Variants in TTLL11 observed in about 807,000 individuals in gnomAD.
TTLL11 encodes tubulin tyrosine ligase like 11.
Under a neutral mutation model 51.7 loss-of-function variants are expected in TTLL11, and 42 were observed. The ratio of observed to expected loss-of-function variants is 0.81; its 90% CI spans 0.64 to 1.05. The LOEUF (loss-of-function observed/expected upper bound fraction) is 1.05. Among genes scored for constraint, TTLL11 ranks in the 50% least tolerant of loss-of-function variants. TTLL11 has a pLI of 0.00. For missense variants in TTLL11, 799 were observed against 940.4 expected (o/e 0.85, Z 1.97); for synonymous variants, 381 against 383.5 (o/e 0.99, Z 0.08).
intron 3 of TTLL11, among the ~76,000 whole-genome samples, chr9:122,010,956 CT>C (rs1843775786): frequency 6.6e-6 from 1 of 152,174 alleles, no homozygotes; most frequent in South Asian, 2.1e-4. Context: ...CTCTCTAAGC[CT>C]TTGATATGGT....
At position 121,853,781 on chromosome 9, in the gene TTLL11, T is replaced by C. The variant is rs890733484; in HGVS notation, c.1840+6556A>G. Reference sequence around the variant, plus strand: ...GGGATGAGGAGGGCCTGGCACTCTGTCAGCCACCAAGGGAGAGTCTGTTGC... The same window carrying C: ...GGGATGAGGAGGGCCTGGCACTCTGCCAGCCACCAAGGGAGAGTCTGTTGC... On this transcript the variant is annotated intron_variant, in intron 8 of 8. Transcript: ENST00000321582. The surrounding 1 kb of genome is among the most constrained non-coding windows in gnomAD (Gnocchi z 5.6). Among the ~76,000 whole-genome samples, 2 of 152,198 alleles carry C rather than the reference T, an allele frequency of 1.3e-5. No homozygotes were observed. The highest frequency in any genetic ancestry group is 1.9e-4 in the East Asian group (1 of 5,194).
Position 122,093,189 on chromosome 9 carries a change from G to A in TTLL11, c.-41C>T, listed in dbSNP as rs1467969864. 6.7e-7 allele frequency: 1 copy of A among 1,485,806 alleles called. No individual in the cohort carries two copies. Among genetic ancestry groups the A allele is most frequent in the South Asian group, 1.3e-5 (1 of 78,880 alleles). The allele number at this position is 1,485,806 out of a possible 1,614,324, so 92.0% of individuals were successfully genotyped here. A position where few individuals can be genotyped will look rare whatever the true frequency, so the allele number is the denominator to read the frequency against. ...GGCCAGTGCCAGTGCCACCGCCGCCGCCGCCGCCGCTCCGCCGCCCCAGTC... is the reference window on the plus strand; with the variant it reads ...GGCCAGTGCCAGTGCCACCGCCGCCACCGCCGCCGCTCCGCCGCCCCAGTC... On this transcript the variant is annotated 5_prime_UTR_variant, in exon 1 of 9. Transcript: ENST00000321582.
chr9:121,826,296 G>GTATATATATATATGGGTT (rs1426732027), intron 8 of TTLL11, among the ~76,000 whole-genome samples: 6 of 90,244 alleles, frequency 6.6e-5, no homozygotes, highest in Admixed American at 1.1e-4. Context: ...GTGTGTGGGT[G>GTATATATATATATGGGTT]TATATATATA....
At chr9:121,841,954 C>T (rs1837364235) in intron 8 of TTLL11, among the ~76,000 whole-genome samples, 1 of 152,108 alleles carries the variant, frequency 6.6e-6, no homozygotes, top group Non-Finnish European at 1.5e-5. Context: ...GGATGCCTGA[C>T]CACTGGAAGT....
intron 6 of TTLL11, among the ~76,000 whole-genome samples, chr9:121,916,423 G>T (rs965005778): frequency 6.6e-6 from 1 of 152,012 alleles, no homozygotes; most frequent in African/African-American, 2.4e-5. Flanking sequence ...ATAAGCTGAG[G>T]GAAGATTTGC....
chr9:121,926,679 G>C (rs533301551), intron 6 of TTLL11, among the ~76,000 whole-genome samples: 42 of 152,332 alleles, frequency 2.8e-4, no homozygotes, highest in African/African-American at 9.6e-4. Flanking sequence ...TCTCTCCCGT[G>C]TCACTTTGAG....
intron 6 of TTLL11, among the ~76,000 whole-genome samples, chr9:121,966,498 T>C (rs939276399): frequency 2.0e-5 from 3 of 152,278 alleles, no homozygotes; most frequent in Admixed American, 6.5e-5. Context: ...AATTAATCAA[T>C]TGATGGAACA....
At position 121,939,040 on chromosome 9, in the gene TTLL11, C is replaced by T. The variant is rs564959347; in HGVS notation, c.1481+34969G>A. Among the ~76,000 whole-genome samples the T allele has an allele frequency of 6.6e-5, 10 of 152,178 alleles. No homozygotes were observed. In the East Asian group the frequency reaches 1.2e-3, roughly 18 times the overall value. On this transcript the variant is annotated intron_variant, in intron 6 of 8. Coordinates refer to ENST00000321582, the MANE Select transcript of TTLL11 (RefSeq NM_001139442.2). ...GCCTATTTCCACTCTAGGTGTTGAC[C>T]GCAGAGGAACTCACACATGTGAATG...
chr9:122,044,983 G>A (rs1454239229), intron 1 of TTLL11, among the ~76,000 whole-genome samples: 1 of 151,994 alleles, frequency 6.6e-6, no homozygotes, highest in Non-Finnish European at 1.5e-5. Context: ...TGGCATGCCT[G>A]TAGTCCCAAC....
At chr9:121,952,528 C>G (rs2131605112) in intron 6 of TTLL11, among the ~76,000 whole-genome samples, 1 of 151,758 alleles carries the variant, frequency 6.6e-6, no homozygotes, top group East Asian at 1.9e-4. Flanking sequence ...AGCTAGTTAC[C>G]CAGCTTCTGT....
intron 1 of TTLL11, among the ~76,000 whole-genome samples, chr9:122,062,451 T>C (rs987018359): frequency 7.9e-5 from 12 of 150,966 alleles, no homozygotes; most frequent in African/African-American, 2.9e-4. Context: ...GTGCAAGATC[T>C]TTATATTATG....
intron 3 of TTLL11, among the ~76,000 whole-genome samples, chr9:121,994,621 A>G (rs566221097): frequency 6.6e-6 from 1 of 152,322 alleles, no homozygotes; most frequent in Admixed American, 6.5e-5. Flanking sequence ...TGAGAGATGT[A>G]TGAGAAGGGG....
At chr9:121,924,202 C>T (rs1366156988) in intron 6 of TTLL11, among the ~76,000 whole-genome samples, 1 of 152,212 alleles carries the variant, frequency 6.6e-6, no homozygotes, top group South Asian at 2.1e-4. Context: ...TCCCAGACAC[C>T]CTCAAGTGGA....
intron 6 of TTLL11, among the ~76,000 whole-genome samples, chr9:121,928,502 G>A (rs112722961): frequency 4.2e-4 from 63 of 149,750 alleles, no homozygotes; most frequent in African/African-American, 1.2e-3. Flanking sequence ...GTGCAGTGGC[G>A]TGTTCTCGGT....
chr9:121,841,030 GGAGA>G (rs1837330307), intron 8 of TTLL11, among the ~76,000 whole-genome samples: 1 of 152,166 alleles, frequency 6.6e-6, no homozygotes, highest in South Asian at 2.1e-4. Context: ...AACAGAGCAA[GGAGA>G]GAGCATGGCT....
chr9:122,057,722 C>T (rs995803692), intron 1 of TTLL11, among the ~76,000 whole-genome samples: 2 of 152,154 alleles, frequency 1.3e-5, no homozygotes, highest in African/African-American at 4.8e-5. Flanking sequence ...GACCACAGAA[C>T]CAAAAGGCTT....
chr9:121,938,219 G>A (rs974176703), intron 6 of TTLL11, among the ~76,000 whole-genome samples: 3 of 150,126 alleles, frequency 2.0e-5, no homozygotes, highest in African/African-American at 7.4e-5. Context: ...AACCCGGGAT[G>A]CAGAGGTTTC....
At chr9:122,046,177 CCTGGTGAGAGGTGATTGGATCATGGGGA>C (rs1428999217) in intron 1 of TTLL11, among the ~76,000 whole-genome samples, 1 of 152,096 alleles carries the variant, frequency 6.6e-6, no homozygotes, top group Non-Finnish European at 1.5e-5. Context: ...GGAGAAGAGG[CCTGGTGAGAGGTGATTGGATCATGGGGA>C]CAGACTTCCC....
intron 1 of TTLL11, among the ~76,000 whole-genome samples, chr9:122,065,890 A>G (rs1845570300): frequency 6.6e-6 from 1 of 152,210 alleles, no homozygotes; most frequent in African/African-American, 2.4e-5. Flanking sequence ...AGCAGTTAAT[A>G]AAGACATATT....
Sources: gnomAD v4.1 joint callset for allele counts (sites outside exome capture counted in the v4.1 genomes callset) on GRCh38, gnomAD v4.1.1 for gene constraint, Gnocchi (gnomAD v3.1) non-coding constraint, MANE v1.5 for transcripts, NCBI Gene and HGNC (gene_info 2026-07-23, HGNC 2026-07-21) for gene names.